The following SOX5 variants were observed in gnomAD, a reference collection of about 807,000 sequenced individuals.
SOX5 encodes the protein SRY-box transcription factor 5, also known as transcription factor SOX-5.
SOX5 carries 9 observed loss-of-function variants against 92.0 expected under a neutral mutation model. That is an observed-to-expected ratio of 0.10 (90% CI 0.06 to 0.17). SOX5 has a LOEUF of 0.17. Among genes scored for constraint, SOX5 ranks in the 10% least tolerant of loss-of-function variants. SOX5 has a pLI of 1.00. For missense variants in SOX5, 642 were observed against 944.5 expected (o/e 0.68, Z 4.20); for synonymous variants, 344 against 336.3 (o/e 1.02, Z -0.25).
chr12:24,258,549 T>C (rs1159719300), intron 3 of SOX5, among the ~76,000 whole-genome samples: 1 of 152,230 alleles, frequency 6.6e-6, no homozygotes, highest in Non-Finnish European at 1.5e-5. Flanking sequence ...CTGTTATTTG[T>C]TAGAAATCAC....
At chr12:23,716,790 G>T (rs565810652) in intron 6 of SOX5, among the ~76,000 whole-genome samples, 1 of 152,306 alleles carries the variant, frequency 6.6e-6, no homozygotes, top group South Asian at 2.1e-4. Flanking sequence ...ATGACATTAA[G>T]TGACTTGTAC....
chr12:24,270,586 C>T (rs373581331), intron 3 of SOX5, among the ~76,000 whole-genome samples: 2 of 152,244 alleles, frequency 1.3e-5, no homozygotes, highest in Admixed American at 1.3e-4. Flanking sequence ...AAAGCACATG[C>T]CCATGGAAGC....
chr12:24,046,529 T>G (rs531489112), intron 4 of SOX5, among the ~76,000 whole-genome samples: 1 of 152,186 alleles, frequency 6.6e-6, no homozygotes, highest in East Asian at 1.9e-4. Flanking sequence ...ATTCAAATAT[T>G]CCTCTTTGGT....
At chr12:24,184,415 A>G (rs1001322747) in intron 4 of SOX5, among the ~76,000 whole-genome samples, 1 of 152,180 alleles carries the variant, frequency 6.6e-6, no homozygotes, top group Non-Finnish European at 1.5e-5. Flanking sequence ...TAAAGCTGCC[A>G]AATTCAAACA....
Position 23,740,782 on chromosome 12 carries a change from T to C in SOX5, c.741+85A>G, listed in dbSNP as rs2093766320. 6.2e-6 allele frequency: 7 copies of C among 1,126,840 alleles called. No homozygotes were observed. In the Admixed American group the frequency reaches 7.7e-5, roughly 12 times the overall value. 69.8% of individuals were successfully genotyped at this position (1,126,840 alleles called of 1,614,324 possible). On this transcript the variant is annotated intron_variant, in intron 5 of 14. Coordinates refer to ENST00000451604, the MANE Select transcript of SOX5 (RefSeq NM_006940.6). ...GGGAGGTGGAAGGGACTCTTATTCA[T>C]TGTTGTGTGCCTAGGACAGTGACCT...
chr12:24,170,589 G>A (rs1255784333), intron 4 of SOX5, among the ~76,000 whole-genome samples: 1 of 152,172 alleles, frequency 6.6e-6, no homozygotes, highest in South Asian at 2.1e-4. Flanking sequence ...GCCCACACAT[G>A]TACCTATTTG....
intron 1 of SOX5, among the ~76,000 whole-genome samples, chr12:24,398,404 T>C (rs1249749818): frequency 6.6e-6 from 1 of 152,120 alleles, no homozygotes; most frequent in Non-Finnish European, 1.5e-5. Context: ...CTCGAGAGGC[T>C]GAGGTGGGAA....
intron 4 of SOX5, among the ~76,000 whole-genome samples, chr12:24,011,234 A>G (rs1346618977): frequency 2.6e-5 from 4 of 152,122 alleles, no homozygotes; most frequent in African/African-American, 7.2e-5. Context: ...ATAGAAAACA[A>G]TGTTCCTTGT....
At chr12:23,873,735 T>C (rs754805034) in intron 2 of SOX5, among the ~76,000 whole-genome samples, 2 of 152,178 alleles carry the variant, frequency 1.3e-5, no homozygotes, top group African/African-American at 2.4e-5. Context: ...AAAGGATATG[T>C]AGGAGACTAC....
At chr12:23,833,229 C>A (rs1594869581) in intron 3 of SOX5, among the ~76,000 whole-genome samples, 1 of 151,962 alleles carries the variant, frequency 6.6e-6, no homozygotes, top group African/African-American at 2.4e-5. Context: ...AAGGTCTTAA[C>A]AGGAACGTTA....
At chr12:23,690,841 T>C (rs1394935424) in intron 6 of SOX5, among the ~76,000 whole-genome samples, 3 of 152,164 alleles carry the variant, frequency 2.0e-5, no homozygotes, top group Admixed American at 1.3e-4. Flanking sequence ...GCAATTTACC[T>C]TTTCCCACTT....
At chr12:24,348,958 C>A (rs1295722398) in intron 2 of SOX5, among the ~76,000 whole-genome samples, 1 of 152,178 alleles carries the variant, frequency 6.6e-6, no homozygotes, top group Non-Finnish European at 1.5e-5. Context: ...TGAGGCCTCT[C>A]CAGCCATGTG....
intron 6 of SOX5, among the ~76,000 whole-genome samples, chr12:23,673,547 T>C (rs2085145979): frequency 6.6e-6 from 1 of 152,168 alleles, no homozygotes; most frequent in Non-Finnish European, 1.5e-5. Context: ...AAATATAATA[T>C]AGTTTTCAAT....
At chr12:23,736,392 G>T (rs1426301515) in intron 5 of SOX5, among the ~76,000 whole-genome samples, 1 of 152,084 alleles carries the variant, frequency 6.6e-6, no homozygotes, top group Admixed American at 6.5e-5. Flanking sequence ...AACCTGGGAA[G>T]TGGAGCTTGC....
At chr12:23,590,049 A>G (rs931251704) in intron 9 of SOX5, among the ~76,000 whole-genome samples, 6 of 152,036 alleles carry the variant, frequency 3.9e-5, no homozygotes, top group African/African-American at 1.2e-4. Flanking sequence ...TTAGAATTCT[A>G]TATAGAAATG....
chr12:23,817,644 A>T lies in SOX5; in HGVS notation c.481+28339T>A, dbSNP rs150257600. On this transcript the variant is annotated intron_variant, in intron 3 of 14. Coordinates refer to ENST00000451604, the MANE Select transcript of SOX5 (RefSeq NM_006940.6). ...CAGTCATAATAACCATATGACCTAA[A>T]AAGTGACATACATAATAAAATGTCT... Among the ~76,000 whole-genome samples, 3 of 152,350 alleles carry T rather than the reference A, an allele frequency of 2.0e-5. No individual in the cohort carries two copies. The East Asian group carries it at 5.8e-4, about 29-fold the overall frequency.
intron 4 of SOX5, among the ~76,000 whole-genome samples, chr12:24,076,382 A>G (rs1427354577): frequency 1.3e-5 from 2 of 152,126 alleles, no homozygotes; most frequent in African/African-American, 4.8e-5. Flanking sequence ...TCCACTTAAT[A>G]ATTTCAGAAA....
intron 4 of SOX5, among the ~76,000 whole-genome samples, chr12:24,081,683 T>C (rs1180548769): frequency 6.6e-6 from 1 of 152,008 alleles, no homozygotes; most frequent in African/African-American, 2.4e-5. Flanking sequence ...AACGTCACCC[T>C]TTTAACTAAT....
rs539061838 is a variant in SOX5, at chr12:23,843,484, A to T, written c.481+2499T>A. On this transcript the variant is annotated intron_variant, in intron 3 of 14. Transcript: ENST00000451604. The stretch of plus-strand genomic sequence containing the variant: ...TAAATCTAAAACTGTTTTTAAAAAA[A>T]ATAAAGTGAATGTATAAATTACAAT... Among the ~76,000 whole-genome samples, 88 of 152,122 alleles carry T rather than the reference A, an allele frequency of 5.8e-4. 2 individuals carry two copies. The highest frequency in any genetic ancestry group is 1.9e-3 in the African/African-American group (78 of 41,524).
Sources: gnomAD v4.1 joint callset for allele counts (sites outside exome capture counted in the v4.1 genomes callset) on GRCh38, gnomAD v4.1.1 for gene constraint, MANE v1.5 for transcripts, NCBI Gene and HGNC (gene_info 2026-07-23, HGNC 2026-07-21) for gene names.